Variants in EFCAB6 observed in about 807,000 individuals in gnomAD.
EFCAB6 encodes the protein EF-hand calcium-binding domain-containing protein 6.
A neutral mutation model predicts 169.8 loss-of-function variants in EFCAB6; 156 were observed. The ratio of observed to expected loss-of-function variants is 0.92; its 90% CI spans 0.81 to 1.05. The LOEUF is 1.05. Among genes scored for constraint, EFCAB6 ranks in the 50% least tolerant of loss-of-function variants. EFCAB6 has a pLI of 0.00. For synonymous variants in EFCAB6, 698 were observed against 676.4 expected (o/e 1.03, Z -0.50); for missense variants, 1,800 against 1,829.1 (o/e 0.98, Z 0.29).
At chr22:43,660,721 T>C (rs748095782) in intron 17 of EFCAB6, among the ~76,000 whole-genome samples, 14 of 152,184 alleles carry the variant, frequency 9.2e-5, no homozygotes, top group Non-Finnish European at 1.8e-4. Context: ...TTGCCCTTCA[T>C]GCCTCCCCAT....
Position 43,744,729 on chromosome 22 carries a change from C to G in EFCAB6, c.508-8736G>C, listed in dbSNP as rs2060502466. 6.6e-6 allele frequency among the ~76,000 whole-genome samples: 1 copy of G among 152,130 alleles called. No homozygotes were observed. Among genetic ancestry groups the G allele is most frequent in the African/African-American group, 2.4e-5 (1 of 41,418 alleles). On this transcript the variant is annotated intron_variant, in intron 6 of 31. Transcript: ENST00000262726. This position sits in a 1 kb window ranked among gnomAD's most constrained non-coding sequence, Gnocchi z 4.3. ...CTGTCCTAATTACTCCCCACGGACCCTATAGGAGAGCTTCCCAGAGAGGAC... is the reference window on the plus strand; with the variant it reads ...CTGTCCTAATTACTCCCCACGGACCGTATAGGAGAGCTTCCCAGAGAGGAC...
At chr22:43,742,026 G>T (rs1603306093) in intron 6 of EFCAB6, among the ~76,000 whole-genome samples, 1 of 151,998 alleles carries the variant, frequency 6.6e-6, no homozygotes, top group Non-Finnish European at 1.5e-5. Context: ...AAAGGTCCCT[G>T]CTTCTTGCAG....
intron 17 of EFCAB6, among the ~76,000 whole-genome samples, chr22:43,638,543 A>G (rs190682924): frequency 2.8e-4 from 42 of 152,306 alleles, no homozygotes; most frequent in Non-Finnish European, 4.7e-4. Flanking sequence ...AGCGAGCCCA[A>G]TGATGAAAGT....
chr22:43,587,683 C>T (rs906938644), intron 24 of EFCAB6, among the ~76,000 whole-genome samples: 1 of 152,196 alleles, frequency 6.6e-6, no homozygotes, highest in African/African-American at 2.4e-5. Flanking sequence ...TTCCCTTCTC[C>T]AGGTCCTTAG....
chr22:43,618,169 A>AAGGAAGGAAGGAAGGAAGGAAGGAAG (rs1277847574), intron 20 of EFCAB6, among the ~76,000 whole-genome samples: 92 of 30,268 alleles, frequency 3.0e-3, no homozygotes, highest in African/African-American at 3.6e-3. Flanking sequence ...AAGGAAGGAA[A>AAGGAAGGAAGGAAGGAAGGAAGGAAG]GAAAGAAAGA....
intron 4 of EFCAB6, among the ~76,000 whole-genome samples, chr22:43,772,210 T>A (rs2061493860): frequency 6.6e-6 from 1 of 152,212 alleles, no homozygotes; most frequent in Non-Finnish European, 1.5e-5. Context: ...GTCTGACTTA[T>A]CTGCACCGCA....
intron 17 of EFCAB6, among the ~76,000 whole-genome samples, chr22:43,661,257 A>G (rs2148150614): frequency 6.6e-6 from 1 of 152,202 alleles, no homozygotes; most frequent in African/African-American, 2.4e-5. Flanking sequence ...ATGGACCTCT[A>G]GTTCCAGCTA....
chr22:43,603,034 ACGTTATCCATTCATGG>A (rs773287694), intron 22 of EFCAB6, among the ~76,000 whole-genome samples: 7 of 152,060 alleles, frequency 4.6e-5, no homozygotes, highest in Non-Finnish European at 8.8e-5. Context: ...TGCATGAGCT[ACGTTATCCATTCATGG>A]CTGTTGGGCT....
At chr22:43,634,741 A>G (rs1271010483) in intron 18 of EFCAB6, among the ~76,000 whole-genome samples, 1 of 152,128 alleles carries the variant, frequency 6.6e-6, no homozygotes, top group African/African-American at 2.4e-5. Context: ...ACAGGGAGGA[A>G]TAATATTCGT....
intron 17 of EFCAB6, among the ~76,000 whole-genome samples, chr22:43,637,675 G>A (rs900267966): frequency 3.3e-5 from 5 of 152,060 alleles, no homozygotes; most frequent in Non-Finnish European, 5.9e-5. Context: ...TGTGGAATTC[G>A]GCAGGAAGCA....
At chr22:43,602,087 C>T (rs1489507547) in intron 22 of EFCAB6, among the ~76,000 whole-genome samples, 1 of 152,268 alleles carries the variant, frequency 6.6e-6, no homozygotes, top group East Asian at 1.9e-4. Flanking sequence ...CTGGCAAGGC[C>T]CTTTCCTGCT....
chr22:43,538,983 C>T (rs947815945), intron 28 of EFCAB6, among the ~76,000 whole-genome samples: 7 of 152,314 alleles, frequency 4.6e-5, no homozygotes, highest in Non-Finnish European at 7.4e-5. Context: ...CCAGAGGCTT[C>T]TCACAATCCT....
chr22:43,722,140 G>GA (rs1476488821), intron 8 of EFCAB6, among the ~76,000 whole-genome samples: 1 of 152,008 alleles, frequency 6.6e-6, no homozygotes, highest in African/African-American at 2.4e-5. Context: ...ACAAACATAT[G>GA]AAAAAATGCT....
At chr22:43,659,161 G>A (rs529046356) in intron 17 of EFCAB6, among the ~76,000 whole-genome samples, 311 of 152,302 alleles carry the variant, frequency 2.0e-3, no homozygotes, top group Non-Finnish European at 3.4e-3. Flanking sequence ...GGTCTCTGGC[G>A]TTGTGTGGGT....
intron 17 of EFCAB6, among the ~76,000 whole-genome samples, chr22:43,655,489 T>C (rs1311247901): frequency 8.3e-6 from 1 of 119,774 alleles, no homozygotes; most frequent in Admixed American, 8.9e-5. Flanking sequence ...GACAGGAAAA[T>C]GAAATAACAC....
chr22:43,534,783 C>T lies in EFCAB6; in HGVS notation c.4138G>A (p.Ala1380Thr). ...CAGCTCTGAATGAAGTCACAGTATG[C>T]AAATTTCCCGTTGCTCTTTAAGTCG... is the stretch of plus-strand genomic sequence containing the variant. ...KYDLKSNGKF[A>T]YCDFIQSCVL... The change falls in exon 30 of 32, where the codon GCA becomes ACA. Residue 1380 changes from alanine (A) to threonine (T), a missense_variant. Transcript: ENST00000262726. The T allele has an allele frequency of 6.2e-7, 1 of 1,614,050 alleles. No individual in the cohort carries two copies. Among genetic ancestry groups the T allele is most frequent in the Non-Finnish European group, 8.5e-7 (1 of 1,180,004 alleles).
intron 17 of EFCAB6, among the ~76,000 whole-genome samples, chr22:43,655,676 C>T (rs1380138793): frequency 2.0e-5 from 3 of 151,866 alleles, no homozygotes; most frequent in Non-Finnish European, 4.4e-5. Context: ...TAGAACGGAC[C>T]GAATACTTCA....
At chr22:43,742,095 G>A (rs753226140) in intron 6 of EFCAB6, among the ~76,000 whole-genome samples, 4 of 152,158 alleles carry the variant, frequency 2.6e-5, no homozygotes, top group Non-Finnish European at 5.9e-5. Flanking sequence ...TATCACCTGA[G>A]TCATTACCCA....
At chr22:43,662,772 G>T (rs1276893571) in intron 17 of EFCAB6, among the ~76,000 whole-genome samples, 1 of 152,190 alleles carries the variant, frequency 6.6e-6, no homozygotes, top group Non-Finnish European at 1.5e-5. Flanking sequence ...TACCCACCAA[G>T]CCAGAATTAC....
Sources: gnomAD v4.1 joint callset for allele counts (sites outside exome capture counted in the v4.1 genomes callset) on GRCh38, gnomAD v4.1.1 for gene constraint, Gnocchi (gnomAD v3.1) non-coding constraint, MANE v1.5 for transcripts, NCBI Gene and HGNC (gene_info 2026-07-23, HGNC 2026-07-21) for gene names.